CYTH3: variants seen among roughly 807,000 people sequenced by gnomAD.
The protein encoded by CYTH3 is cytohesin 3, also known as cytohesin-3.
A neutral mutation model predicts 55.1 loss-of-function variants in CYTH3; 23 were observed. That is an observed-to-expected ratio of 0.42 (90% CI 0.30 to 0.59). The LOEUF (loss-of-function observed/expected upper bound fraction) is 0.59, where lower values mean the gene tolerates loss of function less well. Ranked by LOEUF, CYTH3 falls within the 20% of genes least tolerant of loss-of-function variation. CYTH3 has a pLI of 0.20. For missense variants in CYTH3, 413 were observed against 524.8 expected, an observed-to-expected ratio of 0.79 and a Z score of 2.08; for synonymous variants, 249 against 194.9, an observed-to-expected ratio of 1.28 and a Z score of -2.31.
At chr7:6,209,151 C>A (rs1326115505) in intron 1 of CYTH3, among the ~76,000 whole-genome samples, 1 of 152,256 alleles carries the variant, frequency 6.6e-6, no homozygotes, top group Non-Finnish European at 1.5e-5. Context: ...CTGCCACTTA[C>A]TAGCTCTGCG....
rs1047860608 is a variant in CYTH3 at position 6,252,509 on chromosome 7, A to G, written c.34+19965T>C. On this transcript the variant is annotated intron_variant, in intron 1 of 12. Coordinates refer to ENST00000350796, the MANE Select transcript of CYTH3 (RefSeq NM_004227.4). Reference sequence around the variant, plus strand: ...AGGGAGACTCCGAGACCCTGTTGCTATTTCTTGAATACTTTTAGAGGAGTG... The same window carrying G: ...AGGGAGACTCCGAGACCCTGTTGCTGTTTCTTGAATACTTTTAGAGGAGTG... Among the ~76,000 whole-genome samples the G allele has an allele frequency of 5.9e-5, 9 of 152,254 alleles. No homozygotes were observed. The South Asian group carries it at 1.2e-3, about 21-fold the overall frequency.
At chr7:6,190,324 T>TTCGTTA (rs1562887958) in intron 2 of CYTH3, 125 bp downstream of exon 2, 1 of 833,074 alleles carries the variant, frequency 1.2e-6, no homozygotes, top group Non-Finnish European at 1.8e-6. Flanking sequence ...CATCTTTTTT[T>TTCGTTA]TTTGTTATTT....
At chr7:6,184,330 G>C (rs1783584863) in intron 4 of CYTH3, among the ~76,000 whole-genome samples, 1 of 151,156 alleles carries the variant, frequency 6.6e-6, no homozygotes, top group Non-Finnish European at 1.5e-5. Context: ...AAAGTGCTGG[G>C]ATTACAGGCG....
intron 1 of CYTH3, among the ~76,000 whole-genome samples, chr7:6,270,118 A>T (rs889963): frequency 2.0e-5 from 3 of 152,124 alleles, no homozygotes; most frequent in South Asian, 2.1e-4. Context: ...AAAATCTAAA[A>T]GGTATTAACT....
intron 1 of CYTH3, among the ~76,000 whole-genome samples, chr7:6,228,281 G>GAA (rs1326835224): frequency 6.6e-6 from 1 of 152,204 alleles, no homozygotes; most frequent in Non-Finnish European, 1.5e-5. Flanking sequence ...CCCTGGCTTA[G>GAA]AGGGACCTTT....
chr7:6,193,836 G>C (rs1300773859), intron 1 of CYTH3, among the ~76,000 whole-genome samples: 3 of 151,224 alleles, frequency 2.0e-5, no homozygotes, highest in Non-Finnish European at 4.4e-5. Context: ...CTAAAAACAG[G>C]GGTGAGAGAT....
intron 1 of CYTH3, among the ~76,000 whole-genome samples, chr7:6,235,090 A>G (rs780556691): frequency 1.3e-5 from 2 of 152,130 alleles, no homozygotes; most frequent in African/African-American, 2.4e-5. Flanking sequence ...TGCCATGCGC[A>G]TGTATATTTC....
chr7:6,218,554 C>T (rs986030092), intron 1 of CYTH3, among the ~76,000 whole-genome samples: 6 of 152,126 alleles, frequency 3.9e-5, no homozygotes, highest in Admixed American at 1.3e-4. Flanking sequence ...ACAACAGCCT[C>T]GGGAAACAAA....
At chr7:6,242,645 G>C (rs1779705028) in intron 1 of CYTH3, among the ~76,000 whole-genome samples, 1 of 152,144 alleles carries the variant, frequency 6.6e-6, no homozygotes, top group Non-Finnish European at 1.5e-5. Flanking sequence ...AAAGTGCTGG[G>C]ATTACAGGCG....
chr7:6,216,221 C>T (rs1194695979), intron 1 of CYTH3, among the ~76,000 whole-genome samples: 1 of 152,002 alleles, frequency 6.6e-6, no homozygotes, highest in Admixed American at 6.6e-5. Flanking sequence ...TGATGTAGTT[C>T]TCAATATATA....
At position 6,261,910 on chromosome 7, in the gene CYTH3, G is replaced by A. The variant is rs980296717; in HGVS notation, c.34+10564C>T. Among the ~76,000 whole-genome samples, 12 of 151,950 alleles carry A rather than the reference G, an allele frequency of 7.9e-5. 1 individual carries two copies. In the South Asian group the frequency reaches 2.3e-3, roughly 29 times the overall value. ...AACAGACAACAGAACACACTTACAA[G>A]GCATCCAAATATCGGAGTTATCAGA... On this transcript the variant is annotated intron_variant, in intron 1 of 12. Coordinates refer to ENST00000350796, the MANE Select transcript of CYTH3 (RefSeq NM_004227.4).
rs766018449 is a variant in CYTH3 at position 6,171,509 on chromosome 7, G to A, written c.450-195C>T. ...CCTTCCGTTCCATAACTCGAGACACGCTTACTGATGGCTCATCTTTTTGTA... is the reference window on the plus strand; with the variant it reads ...CCTTCCGTTCCATAACTCGAGACACACTTACTGATGGCTCATCTTTTTGTA... On this transcript the variant is annotated intron_variant, in intron 6 of 12. Transcript: ENST00000350796. This position sits in a 1 kb window ranked among gnomAD's most constrained non-coding sequence, Gnocchi z 6.7. Among the ~76,000 whole-genome samples the A allele has an allele frequency of 2.6e-5, 4 of 152,150 alleles. No homozygotes were observed. The highest frequency in any genetic ancestry group is 7.2e-5 in the African/African-American group (3 of 41,416).
At chr7:6,226,215 C>G (rs946732220) in intron 1 of CYTH3, among the ~76,000 whole-genome samples, 1 of 152,194 alleles carries the variant, frequency 6.6e-6, no homozygotes, top group Non-Finnish European at 1.5e-5. Context: ...AAGATCCAGA[C>G]GTCCTCCTGT....
intron 1 of CYTH3, among the ~76,000 whole-genome samples, chr7:6,224,567 G>A (rs1328872458): frequency 6.6e-6 from 1 of 152,204 alleles, no homozygotes; most frequent in East Asian, 1.9e-4. Context: ...ACTAACAAGT[G>A]TTGGCAAGGA....
intron 1 of CYTH3, among the ~76,000 whole-genome samples, chr7:6,252,751 T>G (rs1205533414): frequency 6.6e-6 from 1 of 152,244 alleles, no homozygotes; most frequent in Non-Finnish European, 1.5e-5. Flanking sequence ...GGTTTAGTCT[T>G]CATCCAAGGA....
intron 4 of CYTH3, among the ~76,000 whole-genome samples, chr7:6,179,727 ACACACACCCACCACACACACCC>A (rs1783438423): frequency 1.3e-5 from 1 of 75,434 alleles, no homozygotes; most frequent in East Asian, 5.1e-4. Flanking sequence ...CACACCACAC[ACACACACCCACCACACACACCC>A]CACACCCCCA....
At chr7:6,194,495 T>C (rs936827019) in intron 1 of CYTH3, among the ~76,000 whole-genome samples, 2 of 152,166 alleles carry the variant, frequency 1.3e-5, no homozygotes, top group Admixed American at 6.6e-5. Flanking sequence ...AAACAACACA[T>C]GCATTTCAAT....
chr7:6,167,890 C>T lies in CYTH3; in HGVS notation c.824-2080G>A, dbSNP rs1783058250. On this transcript the variant is annotated intron_variant, in intron 9 of 12. Transcript: ENST00000350796. This position sits in a 1 kb window ranked among gnomAD's most constrained non-coding sequence, Gnocchi z 5.5. ...GTGGCCTCTCAGCTCCACCTTGGGT[C>T]CCCCGCTCACACCTCCCATGCAGAG... 1.3e-5 allele frequency among the ~76,000 whole-genome samples: 2 copies of T among 152,206 alleles called. No homozygotes were observed. The highest frequency in any genetic ancestry group is 2.1e-4 in the South Asian group (1 of 4,832).
In CYTH3 at chr7:6,241,788, A is replaced by T. The variant is rs146972380; in HGVS notation, c.34+30686T>A. Among the ~76,000 whole-genome samples the T allele has an allele frequency of 4.5e-4, 69 of 152,270 alleles. No individual in the cohort carries two copies. The East Asian group carries it at 0.012, about 27-fold the overall frequency. On this transcript the variant is annotated intron_variant, in intron 1 of 12. Transcript: ENST00000350796. ...AAGGCCTAGAGTACAGGAAAAGCTC[A>T]ATTATGACAGCTATCAGTTTTAAAA...
Sources: gnomAD v4.1 joint callset for allele counts (sites outside exome capture counted in the v4.1 genomes callset) on GRCh38, gnomAD v4.1.1 for gene constraint, Gnocchi (gnomAD v3.1) non-coding constraint, MANE v1.5 for transcripts, NCBI Gene and HGNC (gene_info 2026-07-23, HGNC 2026-07-21) for gene names.